TSKU: variants seen among roughly 807,000 people sequenced by gnomAD.
The protein encoded by TSKU is tsukushi, small leucine rich proteoglycan, also known as tsukushi.
A neutral mutation model predicts 11.2 loss-of-function variants in TSKU; 4 were observed. That is an observed-to-expected ratio of 0.36 (90% CI 0.18 to 0.82). The LOEUF (loss-of-function observed/expected upper bound fraction) is 0.82, where lower values mean the gene tolerates loss of function less well. Among genes scored for constraint, TSKU ranks in the 40% least tolerant of loss-of-function variants. The pLI is 0.50. For synonymous variants in TSKU, 220 were observed against 232.2 expected, an observed-to-expected ratio of 0.95 and a Z score of 0.48; for missense variants, 407 against 482.5, an observed-to-expected ratio of 0.84 and a Z score of 1.47.
intron 1 of TSKU, among the ~76,000 whole-genome samples, chr11:76,787,033 A>G (rs1311279380): frequency 6.6e-6 from 1 of 152,104 alleles, no homozygotes; most frequent in African/African-American, 2.4e-5. Flanking sequence ...GAATACCAAC[A>G]TGTGCCAGGC....
intron 1 of TSKU, among the ~76,000 whole-genome samples, chr11:76,785,023 CCCAGAAA>C (rs1944297927): frequency 6.6e-6 from 1 of 152,194 alleles, no homozygotes. Flanking sequence ...GATCCCAGAA[CCCAGAAA>C]CACTTTGATG....
At chr11:76,786,222 G>T (rs116617889) in intron 1 of TSKU, among the ~76,000 whole-genome samples, 1 of 152,332 alleles carries the variant, frequency 6.6e-6, no homozygotes, top group East Asian at 1.9e-4. Flanking sequence ...GGCCAGGCTC[G>T]TGCAGGCAAG....
At chr11:76,784,755 G>C (rs963597003) in intron 1 of TSKU, among the ~76,000 whole-genome samples, 6 of 145,310 alleles carry the variant, frequency 4.1e-5, no homozygotes, top group East Asian at 2.0e-4. Flanking sequence ...GTGGGGGGGG[G>C]GGGGTGCTCA....
intron 1 of TSKU, 108 bp from the exon 2 acceptor site, chr11:76,795,501 G>T (rs745872429): frequency 6.0e-6 from 8 of 1,331,990 alleles, no homozygotes; most frequent in Non-Finnish European, 8.2e-6. Flanking sequence ...ATTCCAGGAG[G>T]TCGGGGTCTG....
rs1024203848 is a variant in TSKU at position 76,797,023 on chromosome 11, C to G, written c.*345C>G. 6 of 209,330 alleles carry G rather than the reference C, an allele frequency of 2.9e-5. No homozygotes were observed. Among genetic ancestry groups the G allele is most frequent in the Admixed American group, 5.8e-5 (1 of 17,372 alleles). The allele number at this position is 209,330 out of a possible 1,614,324, so 13.0% of individuals were successfully genotyped here. A position where few individuals can be genotyped will look rare whatever the true frequency, so the allele number is the denominator to read the frequency against. ...CGCAATGGGCAGAGGGTGGGTGGGA[C>G]CCCCTGCTGCAGGGCAGAGTTCAGG... On this transcript the variant is annotated 3_prime_UTR_variant, in exon 2 of 2. Coordinates refer to ENST00000333090, the MANE Select transcript of TSKU (RefSeq NM_015516.4).
At chr11:76,786,833 TG>T (rs1321993073) in intron 1 of TSKU, among the ~76,000 whole-genome samples, 6 of 152,290 alleles carry the variant, frequency 3.9e-5, no homozygotes, top group African/African-American at 1.2e-4. Context: ...GGGAGTGCCT[TG>T]TCAGCATCTT....
In TSKU at chr11:76,796,645, G is replaced by A; in HGVS notation, c.1029G>A (p.Arg343=). The A allele has an allele frequency of 6.2e-6, 9 of 1,454,006 alleles. No homozygotes were observed. Among genetic ancestry groups the A allele is most frequent in the Non-Finnish European group, 8.2e-6 (9 of 1,099,848 alleles). The allele number at this position is 1,454,006 out of a possible 1,614,324, so 90.1% of individuals were successfully genotyped here. The change falls in exon 2 of 2, where the codon CGG becomes CGA. Residue 343 remains arginine, a synonymous_variant. Transcript: ENST00000333090. This position sits in a 1 kb window ranked among gnomAD's most constrained non-coding sequence, Gnocchi z 4.1. ...PKVALHCVDT[R]DSAARGPTIL ...TGGCCCTGCACTGCGTAGACACCCG[G>A]GATTCTGCTGCCAGGGGCCCCACCA...
At chr11:76,785,609 G>A (rs1201251279) in intron 1 of TSKU, among the ~76,000 whole-genome samples, 1 of 152,194 alleles carries the variant, frequency 6.6e-6, no homozygotes, top group Non-Finnish European at 1.5e-5. Flanking sequence ...AGGTCTTGAG[G>A]GTGGTGAATT....
At chr11:76,794,318 C>T (rs1027014971) in intron 1 of TSKU, among the ~76,000 whole-genome samples, 5 of 152,198 alleles carry the variant, frequency 3.3e-5, no homozygotes, top group South Asian at 2.1e-4. Flanking sequence ...GATGTGACAA[C>T]ACGTATGTAG....
Position 76,796,882 on chromosome 11 carries a change from C to A in TSKU, c.*204C>A. On this transcript the variant is annotated 3_prime_UTR_variant, in exon 2 of 2. Coordinates refer to ENST00000333090, the MANE Select transcript of TSKU (RefSeq NM_015516.4). This position sits in a 1 kb window ranked among gnomAD's most constrained non-coding sequence, Gnocchi z 4.1. ...AAGTCTCACCCCTTTGTCTACGTTG[C>A]TTCCCCAAACCATGAGCAGAGGGAC... The A allele has an allele frequency of 2.4e-6, 1 of 425,512 alleles. No individual in the cohort carries two copies. The highest frequency in any genetic ancestry group is 1.2e-4 in the South Asian group (1 of 8,384). The allele number at this position is 425,512 out of a possible 1,614,324, so 26.4% of individuals were successfully genotyped here.
intron 1 of TSKU, among the ~76,000 whole-genome samples, chr11:76,790,055 G>A (rs905309428): frequency 2.4e-5 from 3 of 123,766 alleles, no homozygotes; most frequent in African/African-American, 9.6e-5. Flanking sequence ...ACTCCCTCCT[G>A]GCCTAGCCCA....
At chr11:76,785,836 C>G (rs1010853459) in intron 1 of TSKU, among the ~76,000 whole-genome samples, 1 of 152,128 alleles carries the variant, frequency 6.6e-6, no homozygotes, top group South Asian at 2.1e-4. Context: ...GATCCAGCCT[C>G]TTAGAGTCAA....
rs914071169 is a variant in TSKU at position 76,797,176 on chromosome 11, C to A, written c.*498C>A. 1 of 167,820 alleles carries A rather than the reference C, an allele frequency of 6.0e-6. No individual in the cohort carries two copies. Among genetic ancestry groups the A allele is most frequent in the East Asian group, 1.9e-4 (1 of 5,204 alleles). The allele number at this position is 167,820 out of a possible 1,614,324, so 10.4% of individuals were successfully genotyped here. A position where few individuals can be genotyped will look rare whatever the true frequency, so the allele number is the denominator to read the frequency against. Reference sequence around the variant, plus strand: ...TTCATCCTTTTCTATTTCCCTAGAACCTTAATGGTAGAAGGAATTGCAAAG... The same window carrying A: ...TTCATCCTTTTCTATTTCCCTAGAAACTTAATGGTAGAAGGAATTGCAAAG... On this transcript the variant is annotated 3_prime_UTR_variant, in exon 2 of 2. Coordinates refer to ENST00000333090, the MANE Select transcript of TSKU (RefSeq NM_015516.4).
At chr11:76,782,878 G>A (rs573535061), upstream of TSKU, 43 of 152,144 alleles carry the variant, frequency 2.8e-4, no homozygotes, top group African/African-American at 1.0e-3. Context: ...AATGGGGAGG[G>A]GCGGTGAACA....
intron 1 of TSKU, among the ~76,000 whole-genome samples, chr11:76,790,097 A>T (rs892641154): frequency 8.5e-5 from 12 of 140,660 alleles, no homozygotes; most frequent in Non-Finnish European, 1.5e-4. Flanking sequence ...GAAATTTAGG[A>T]TATGCTTTTG....
rs1944475843 is a variant in TSKU, at chr11:76,797,879, CT to C, written c.*1204del. The C allele has an allele frequency of 6.0e-6, 1 of 167,148 alleles. No individual in the cohort carries two copies. Among genetic ancestry groups the C allele is most frequent in the East Asian group, 1.9e-4 (1 of 5,200 alleles). 10.4% of individuals were successfully genotyped at this position (167,148 alleles called of 1,614,324 possible). On this transcript the variant is annotated 3_prime_UTR_variant, in exon 2 of 2. Coordinates refer to ENST00000333090, the MANE Select transcript of TSKU (RefSeq NM_015516.4). ...TTGTTGCCTTTTTAACGGAGTGTCA[CT>C]TTCAACCGGCCTCCCCTACCCCTGC...
chr11:76,786,235 G>A (rs1354360622), intron 1 of TSKU, among the ~76,000 whole-genome samples: 1 of 152,238 alleles, frequency 6.6e-6, no homozygotes, highest in Non-Finnish European at 1.5e-5. Flanking sequence ...CAGGCAAGGA[G>A]GTAGACACAG....
intron 1 of TSKU, among the ~76,000 whole-genome samples, chr11:76,793,482 C>T (rs1301337928): frequency 6.6e-6 from 1 of 152,168 alleles, no homozygotes; most frequent in Non-Finnish European, 1.5e-5. Context: ...TCATATGAGG[C>T]CATTTGGCAT....
intron 1 of TSKU, among the ~76,000 whole-genome samples, chr11:76,790,699 G>T (rs1026050170): frequency 6.6e-6 from 1 of 152,062 alleles, no homozygotes; most frequent in East Asian, 1.9e-4. Flanking sequence ...GACCTTCCCC[G>T]GCCACGTGGA....
Sources: allele counts gnomAD v4.1 joint callset (sites outside exome capture counted in the v4.1 genomes callset), GRCh38; gene constraint gnomAD v4.1.1; non-coding constraint Gnocchi (gnomAD v3.1); transcripts MANE v1.5; gene names NCBI Gene and HGNC (gene_info 2026-07-23, HGNC 2026-07-21).